DIS3L2: variants seen among roughly 807,000 people sequenced by gnomAD.
DIS3L2 encodes the protein DIS3-like exonuclease 2.
In DIS3L2, 34 loss-of-function variants were observed where a neutral mutation model predicts 97.5. The observed-to-expected ratio is 0.35, with a 90% confidence interval of 0.27 to 0.46. DIS3L2 has a LOEUF of 0.46. DIS3L2 is among the 20% of genes least tolerant of loss of function. The pLI is 1.00. For missense variants in DIS3L2, 1,038 were observed against 1,146.0 expected (o/e 0.91, Z 1.36); for synonymous variants, 435 against 445.2 (o/e 0.98, Z 0.29).
At chr2:232,003,340 G>A (rs1434033270) in intron 1 of DIS3L2, among the ~76,000 whole-genome samples, 1 of 151,960 alleles carries the variant, frequency 6.6e-6, no homozygotes, top group African/African-American at 2.4e-5. Context: ...TGTCATTTTG[G>A]TGGAGCACAT....
intron 8 of DIS3L2, among the ~76,000 whole-genome samples, chr2:232,161,133 G>A (rs1251030365): frequency 6.6e-6 from 1 of 152,066 alleles, no homozygotes; most frequent in Non-Finnish European, 1.5e-5. Flanking sequence ...GACCAGGATG[G>A]TCTCAATCTC....
intron 8 of DIS3L2, among the ~76,000 whole-genome samples, chr2:232,147,538 A>G (rs1690252682): frequency 6.6e-6 from 1 of 152,128 alleles, no homozygotes; most frequent in African/African-American, 2.4e-5. Context: ...CTTCTAAGTT[A>G]TTTTTGAAGG....
At chr2:232,182,638 A>G (rs986507175) in intron 9 of DIS3L2, among the ~76,000 whole-genome samples, 5 of 152,152 alleles carry the variant, frequency 3.3e-5, no homozygotes, top group African/African-American at 1.2e-4. Flanking sequence ...CATTTTCTAG[A>G]TGGATTGAGC....
intron 6 of DIS3L2, among the ~76,000 whole-genome samples, chr2:232,103,787 G>T (rs1052416860): frequency 1.3e-5 from 2 of 152,108 alleles, no homozygotes; most frequent in Non-Finnish European, 2.9e-5. Flanking sequence ...TGAAACATGG[G>T]CTAGAGCTTT....
intron 17 of DIS3L2, 76 bp from the exon 18 acceptor site, chr2:232,334,293 A>G: frequency 6.6e-7 from 1 of 1,520,512 alleles, no homozygotes; most frequent in Non-Finnish European, 8.9e-7. Flanking sequence ...GTGCAGCGCC[A>G]TGCAGCCCAT....
chr2:232,107,942 A>G (rs1168782180), intron 6 of DIS3L2, among the ~76,000 whole-genome samples: 1 of 152,198 alleles, frequency 6.6e-6, no homozygotes, highest in Non-Finnish European at 1.5e-5. Context: ...GACCAGATGG[A>G]TTTATAGCTG....
chr2:232,146,610 A>G (rs944753810), intron 8 of DIS3L2, among the ~76,000 whole-genome samples: 1 of 152,188 alleles, frequency 6.6e-6, no homozygotes, highest in Non-Finnish European at 1.5e-5. Context: ...GACATGTGAC[A>G]CAAAAAGGGA....
At chr2:232,172,822 T>TGG in intron 9 of DIS3L2, 1 of 524,828 alleles carries the variant, frequency 1.9e-6, no homozygotes, top group Non-Finnish European at 3.9e-6. Flanking sequence ...ATTGTAGGTG[T>TGG]GGGGTAGTAT....
intron 8 of DIS3L2, among the ~76,000 whole-genome samples, chr2:232,161,717 C>T (rs561376343): frequency 3.0e-4 from 45 of 151,986 alleles, no homozygotes; most frequent in African/African-American, 8.7e-4. Flanking sequence ...GTGATCCACC[C>T]GCCTTGGCCT....
intron 11 of DIS3L2, among the ~76,000 whole-genome samples, chr2:232,240,715 A>G (rs1693057134): frequency 6.6e-6 from 1 of 152,190 alleles, no homozygotes; most frequent in African/African-American, 2.4e-5. Flanking sequence ...AGCTCTGAGC[A>G]GGTATAGGCA....
At chr2:232,119,095 A>T (rs1697815606) in intron 6 of DIS3L2, among the ~76,000 whole-genome samples, 1 of 152,116 alleles carries the variant, frequency 6.6e-6, no homozygotes, top group Admixed American at 6.5e-5. Flanking sequence ...GGATATCATT[A>T]TTGCTGCTGG....
chr2:232,089,573 A>G (rs1424040342), intron 6 of DIS3L2, among the ~76,000 whole-genome samples: 2 of 152,242 alleles, frequency 1.3e-5, no homozygotes, highest in Non-Finnish European at 2.9e-5. Context: ...CAAATCCTTC[A>G]TTAACAAGAT....
intron 16 of DIS3L2, among the ~76,000 whole-genome samples, chr2:232,331,420 T>C (rs1695733187): frequency 6.6e-6 from 1 of 152,208 alleles, no homozygotes; most frequent in African/African-American, 2.4e-5. Context: ...AGAGACAGGC[T>C]GTATTTTAGG....
intron 14 of DIS3L2, among the ~76,000 whole-genome samples, chr2:232,309,427 A>C (rs1695065380): frequency 6.6e-6 from 1 of 152,168 alleles, no homozygotes; most frequent in South Asian, 2.1e-4. Flanking sequence ...TTCAGACCTC[A>C]ACACAAGTCT....
intron 6 of DIS3L2, among the ~76,000 whole-genome samples, chr2:232,124,704 C>T (rs981033352): frequency 6.6e-6 from 1 of 151,792 alleles, no homozygotes; most frequent in East Asian, 1.9e-4. Context: ...CCATAGCAGG[C>T]GAGATACCAT....
chr2:232,081,479 C>T (rs1178473583), intron 5 of DIS3L2, among the ~76,000 whole-genome samples: 2 of 100,206 alleles, frequency 2.0e-5, no homozygotes, highest in South Asian at 2.7e-4. Context: ...ATGGCGATAC[C>T]GAAAGCCTTT....
In DIS3L2 at chr2:232,265,830, G is replaced by T. The variant is rs143389607; in HGVS notation, c.1659+2390G>T. On this transcript the variant is annotated intron_variant, in intron 13 of 20. Transcript: ENST00000325385. ...CTTTTTAAAGAAATCAAATGGTAAC[G>T]TATGAACAGTGAATTGTGAGTGTAG... Among the ~76,000 whole-genome samples the T allele has an allele frequency of 5.8e-3, 890 of 152,302 alleles. 5 individuals are homozygous for T. The highest frequency in any genetic ancestry group is 0.01 in the Middle Eastern group (3 of 294).
intron 1 of DIS3L2, among the ~76,000 whole-genome samples, chr2:232,000,635 T>A (rs1693857757): frequency 6.9e-6 from 1 of 144,470 alleles, no homozygotes; most frequent in Admixed American, 7.1e-5. Context: ...TTCCTTTCCT[T>A]TCCTTTCCTT....
chr2:232,300,652 CTTTT>C (rs35570747), intron 14 of DIS3L2, among the ~76,000 whole-genome samples: 7 of 121,476 alleles, frequency 5.8e-5, no homozygotes, highest in African/African-American at 3.6e-5. Flanking sequence ...TAGACTGCTC[CTTTT>C]TTTTTTTTTT....
Sources: allele counts gnomAD v4.1 joint callset (sites outside exome capture counted in the v4.1 genomes callset), GRCh38; gene constraint gnomAD v4.1.1; transcripts MANE v1.5; gene names NCBI Gene and HGNC (gene_info 2026-07-23, HGNC 2026-07-21).